ADAMTSL1: variants seen among roughly 807,000 people sequenced by gnomAD.
ADAMTSL1 encodes ADAMTS-like protein 1.
A neutral mutation model predicts 201.8 loss-of-function variants in ADAMTSL1; 126 were observed. The observed-to-expected ratio is 0.62, with a 90% CI of 0.54 to 0.72. ADAMTSL1 has a LOEUF of 0.72. Ranked by LOEUF, ADAMTSL1 falls within the 30% of genes least tolerant of loss-of-function variation. The pLI is 0.00. For missense variants in ADAMTSL1, 2,679 were observed against 2,277.8 expected (o/e 1.18, Z -3.59); for synonymous variants, 1,121 against 903.4 (o/e 1.24, Z -4.32).
chr9:18,179,496 C>G (rs951221785), intron 2 of ADAMTSL1, among the ~76,000 whole-genome samples: 3 of 152,028 alleles, frequency 2.0e-5, no homozygotes, highest in Non-Finnish European at 4.4e-5. Context: ...GCAAGGCAGG[C>G]CAACATTCAG....
chr9:18,876,300 A>ATGTGTGTGTGTGTG (rs1828143325), intron 23 of ADAMTSL1, among the ~76,000 whole-genome samples: 7 of 47,492 alleles, frequency 1.5e-4, no homozygotes, highest in African/African-American at 9.3e-4. Context: ...TTGCCTGAAT[A>ATGTGTGTGTGTGTG]CGTGTGTGTG....
At chr9:18,173,445 CTT>C (rs754481807) in intron 2 of ADAMTSL1, among the ~76,000 whole-genome samples, 2 of 151,946 alleles carry the variant, frequency 1.3e-5, no homozygotes, top group African/African-American at 2.4e-5. Context: ...GAGAGGGACT[CTT>C]TTTTTACACT....
intron 23 of ADAMTSL1, among the ~76,000 whole-genome samples, chr9:18,833,481 T>C (rs1409752753): frequency 6.6e-6 from 1 of 152,246 alleles, no homozygotes; most frequent in Non-Finnish European, 1.5e-5. Flanking sequence ...TTTCATGTGA[T>C]TGTTGGACGC....
intron 2 of ADAMTSL1, among the ~76,000 whole-genome samples, chr9:18,439,523 C>T (rs1819902598): frequency 6.6e-6 from 1 of 152,098 alleles, no homozygotes; most frequent in Non-Finnish European, 1.5e-5. Context: ...CGCGCCACCA[C>T]ACCCAGCTAA....
chr9:18,821,025 G>A (rs1045230212), intron 21 of ADAMTSL1, among the ~76,000 whole-genome samples: 2 of 152,190 alleles, frequency 1.3e-5, no homozygotes, highest in Non-Finnish European at 2.9e-5. Flanking sequence ...GGTGTGGGTA[G>A]GCAGGGGCTA....
At chr9:18,598,736 T>C (rs554188682) in intron 4 of ADAMTSL1, among the ~76,000 whole-genome samples, 1 of 152,290 alleles carries the variant, frequency 6.6e-6, no homozygotes, top group Non-Finnish European at 1.5e-5. Context: ...ACCATAGTGA[T>C]CTCAGGGTGG....
chr9:18,164,212 T>C (rs1423788088), intron 2 of ADAMTSL1, among the ~76,000 whole-genome samples: 1 of 151,932 alleles, frequency 6.6e-6, no homozygotes, highest in African/African-American at 2.4e-5. Context: ...CGTTAAAGTT[T>C]GTTTGGGGCA....
intron 2 of ADAMTSL1, among the ~76,000 whole-genome samples, chr9:18,394,117 G>A (rs566175356): frequency 6.6e-6 from 1 of 152,282 alleles, no homozygotes; most frequent in East Asian, 1.9e-4. Context: ...CGAAAGCAGA[G>A]CCATAAAGAG....
rs534126226 is a variant in ADAMTSL1, at chr9:18,060,506, C to G, written c.88-103356C>G. Reference sequence around the variant, plus strand: ...CAGCTTCAGCTTCTGACATGTTGGGCAAGACTAAACATAAAGCCAGTTGAG... The same window carrying G: ...CAGCTTCAGCTTCTGACATGTTGGGGAAGACTAAACATAAAGCCAGTTGAG... On this transcript the variant is annotated intron_variant, in intron 1 of 29. Transcript: ENST00000680146. Among the ~76,000 whole-genome samples, 15 of 152,192 alleles carry G rather than the reference C, an allele frequency of 9.9e-5. No individual in the cohort carries two copies. In the South Asian group the frequency reaches 2.3e-3, roughly 23 times the overall value.
At chr9:18,888,187 G>T (rs1316207879) in intron 24 of ADAMTSL1, 144 bp downstream of exon 24, 3 of 834,614 alleles carry the variant, frequency 3.6e-6, no homozygotes, top group Admixed American at 5.3e-5. Context: ...TTTCCATACA[G>T]TGAGACCCTA....
chr9:18,910,556 A>T lies in ADAMTSL1; in HGVS notation c.*2008A>T, dbSNP rs1428373402. 1.3e-5 allele frequency: 2 copies of T among 152,242 alleles called. No homozygotes were observed. The highest frequency in any genetic ancestry group is 2.9e-5 in the Non-Finnish European group (2 of 68,044). The allele number at this position is 152,242 out of a possible 1,614,324, so 9.4% of individuals were successfully genotyped here. Reference sequence around the variant, plus strand: ...TGGGATGCTGAGGCAGTAAGAGGGAATTCATTTGTGGCATAATAGTTATGC... The same window carrying T: ...TGGGATGCTGAGGCAGTAAGAGGGATTTCATTTGTGGCATAATAGTTATGC... On this transcript the variant is annotated 3_prime_UTR_variant, in exon 29 of 29. Transcript: ENST00000380548.
At chr9:18,179,160 C>T (rs1828328057) in intron 2 of ADAMTSL1, among the ~76,000 whole-genome samples, 2 of 151,984 alleles carry the variant, frequency 1.3e-5, no homozygotes, top group South Asian at 2.1e-4. Flanking sequence ...ACTAGAATAA[C>T]CAATACAGAG....
rs148952380 is a variant in ADAMTSL1 at position 18,792,915 on chromosome 9, G to A, written c.3678-2482G>A. On this transcript the variant is annotated intron_variant, in intron 19 of 28. Transcript: ENST00000380548. ...AACTAACATGTAATTGTTTGACTTT[G>A]AGAAAAAAGCAACTAATGTTTGATG... Among the ~76,000 whole-genome samples, 1,442 of 152,264 alleles carry A rather than the reference G, an allele frequency of 9.5e-3. 13 individuals carry two copies. Among genetic ancestry groups the A allele is most frequent in the South Asian group, 0.021 (103 of 4,828 alleles).
intron 9 of ADAMTSL1, among the ~76,000 whole-genome samples, chr9:18,674,454 G>C (rs1393524166): frequency 6.6e-6 from 1 of 151,778 alleles, no homozygotes; most frequent in East Asian, 1.9e-4. Context: ...AAACTATGCA[G>C]GCCCCTTTAT....
At chr9:18,041,970 G>T (rs1586936892) in intron 1 of ADAMTSL1, among the ~76,000 whole-genome samples, 1 of 151,774 alleles carries the variant, frequency 6.6e-6, no homozygotes, top group Admixed American at 6.6e-5. Flanking sequence ...TTTTAAAATT[G>T]GTTACTTTAA....
chr9:18,656,606 G>C (rs1828686968), intron 7 of ADAMTSL1, among the ~76,000 whole-genome samples: 1 of 131,144 alleles, frequency 7.6e-6, no homozygotes, highest in Non-Finnish European at 1.6e-5. Context: ...TCCAGCCTGA[G>C]CAACAGAGCA....
At chr9:18,254,651 C>A (rs917757784) in intron 2 of ADAMTSL1, among the ~76,000 whole-genome samples, 1 of 145,814 alleles carries the variant, frequency 6.9e-6, no homozygotes, top group Admixed American at 6.8e-5. Context: ...GCGTGAGCCA[C>A]CGCGCCTGCC....
At chr9:18,243,411 G>C (rs975688250) in intron 2 of ADAMTSL1, among the ~76,000 whole-genome samples, 1 of 152,022 alleles carries the variant, frequency 6.6e-6, no homozygotes, top group African/African-American at 2.4e-5. Flanking sequence ...TAACCCTGAA[G>C]ACTCTCAAAA....
At position 18,357,368 on chromosome 9, in the gene ADAMTSL1, G is replaced by C. The variant is rs1169094724; in HGVS notation, c.208-147461G>C. 2.6e-5 allele frequency among the ~76,000 whole-genome samples: 4 copies of C among 152,222 alleles called. No individual in the cohort carries two copies. In the East Asian group the frequency reaches 5.8e-4, roughly 22 times the overall value. ...ACAATTGGTAATCCCTTTGGTAGAA[G>C]CACTATTAATATGTTCCGTTTCACT... On this transcript the variant is annotated intron_variant, in intron 2 of 29. Coordinates refer to the ADAMTSL1 transcript ENST00000680146.
Sources: gnomAD v4.1 joint callset for allele counts (sites outside exome capture counted in the v4.1 genomes callset) on GRCh38, gnomAD v4.1.1 for gene constraint, MANE v1.5 for transcripts, NCBI Gene and HGNC (gene_info 2026-07-23, HGNC 2026-07-21) for gene names.